The following RXFP1 variants were observed in gnomAD, a reference collection of about 807,000 sequenced individuals.
RXFP1 encodes the protein relaxin receptor 1.
RXFP1 carries 73 observed loss-of-function variants against 89.8 expected under a neutral mutation model. The observed-to-expected ratio is 0.81, with a 90% CI of 0.67 to 0.99. RXFP1 has a LOEUF of 0.99. Ranked by LOEUF, RXFP1 falls within the 50% of genes least tolerant of loss-of-function variation. RXFP1 has a pLI of 0.00. For synonymous variants in RXFP1, 277 were observed against 305.5 expected (o/e 0.91, Z 0.97); for missense variants, 793 against 895.5 (o/e 0.89, Z 1.46).
At chr4:158,540,710 A>G (rs1298335414) in intron 1 of RXFP1, among the ~76,000 whole-genome samples, 1 of 151,828 alleles carries the variant, frequency 6.6e-6, no homozygotes, top group East Asian at 1.9e-4. Flanking sequence ...AGAAAGCTGT[A>G]CAAAGCCCAC....
intron 14 of RXFP1, among the ~76,000 whole-genome samples, chr4:158,640,473 G>A (rs1770149662): frequency 1.3e-5 from 2 of 152,176 alleles, no homozygotes; most frequent in Non-Finnish European, 2.9e-5. Flanking sequence ...TCATGGCAGA[G>A]GACAAAGAGG....
chr4:158,569,984 A>G (rs1198811863), intron 1 of RXFP1, among the ~76,000 whole-genome samples: 1 of 152,246 alleles, frequency 6.6e-6, no homozygotes, highest in Non-Finnish European at 1.5e-5. Flanking sequence ...TCTTCATTCT[A>G]TTAAATGTTT....
intron 2 of RXFP1, among the ~76,000 whole-genome samples, chr4:158,579,553 C>A (rs186622669): frequency 6.6e-6 from 1 of 152,196 alleles, no homozygotes. Flanking sequence ...CGTGAGCCAC[C>A]GCAGCCTGCC....
intron 1 of RXFP1, among the ~76,000 whole-genome samples, chr4:158,531,776 A>G (rs943425175): frequency 2.6e-5 from 4 of 152,220 alleles, no homozygotes; most frequent in Non-Finnish European, 5.9e-5. Flanking sequence ...ATTATATTTT[A>G]TATTTCTATG....
At chr4:158,651,277 TA>T (rs1245018793) in intron 17 of RXFP1, among the ~76,000 whole-genome samples, 4 of 152,100 alleles carry the variant, frequency 2.6e-5, no homozygotes, top group Non-Finnish European at 5.9e-5. Flanking sequence ...GGTCAAAAGC[TA>T]AAAAAATGCA....
intron 14 of RXFP1, among the ~76,000 whole-genome samples, chr4:158,643,192 C>T (rs1395205825): frequency 1.3e-5 from 2 of 152,128 alleles, no homozygotes; most frequent in Non-Finnish European, 2.9e-5. Flanking sequence ...GGCACAGCTG[C>T]CAGCATTCAC....
At chr4:158,598,945 G>A (rs1369200980) in intron 3 of RXFP1, among the ~76,000 whole-genome samples, 6 of 151,512 alleles carry the variant, frequency 4.0e-5, no homozygotes, top group African/African-American at 1.5e-4. Context: ...TTAAGTGGCA[G>A]TTGTAGTATG....
In RXFP1 at chr4:158,652,019, G is replaced by T; in HGVS notation, c.2238G>T (p.Leu746=). 6.2e-7 allele frequency: 1 copy of T among 1,613,286 alleles called. No individual in the cohort carries two copies. The highest frequency in any genetic ancestry group is 8.5e-7 in the Non-Finnish European group (1 of 1,179,488). Residue 746 remains leucine, a synonymous_variant, in exon 18 of 18, where the codon CTG becomes CTT. Transcript: ENST00000307765. Reference sequence around the variant, plus strand: ...TCACATACCCCTGTGAAATGTCACTGATTTCTCAATCAACGAGACTCAATT... The same window carrying T: ...TCACATACCCCTGTGAAATGTCACTTATTTCTCAATCAACGAGACTCAATT... ...DLFTYPCEMS[L]ISQSTRLNSY...
At chr4:158,623,020 A>G (rs1765925275) in intron 9 of RXFP1, among the ~76,000 whole-genome samples, 1 of 152,184 alleles carries the variant, frequency 6.6e-6, no homozygotes, top group Non-Finnish European at 1.5e-5. Context: ...GAAAGCAGGC[A>G]TCATATATTT....
chr4:158,615,794 T>C (rs899379533), intron 8 of RXFP1, among the ~76,000 whole-genome samples: 1 of 151,380 alleles, frequency 6.6e-6, no homozygotes, highest in Non-Finnish European at 1.5e-5. Flanking sequence ...AAAAAAAAAT[T>C]GTTTTTAGTT....
chr4:158,648,782 A>T, intron 17 of RXFP1, 65 bp downstream of exon 17: 1 of 996,060 alleles, frequency 1.0e-6, no homozygotes, highest in Admixed American at 2.6e-5. Context: ...CTTTTAAGGA[A>T]AACAATTAAA....
intron 1 of RXFP1, among the ~76,000 whole-genome samples, chr4:158,545,253 A>T (rs1354904822): frequency 6.6e-6 from 1 of 152,000 alleles, no homozygotes; most frequent in Non-Finnish European, 1.5e-5. Flanking sequence ...TCTTCTTTTG[A>T]GAAGTGTCTG....
chr4:158,572,084 G>A (rs945772404), intron 1 of RXFP1, among the ~76,000 whole-genome samples: 4 of 152,118 alleles, frequency 2.6e-5, no homozygotes, highest in Non-Finnish European at 4.4e-5. Context: ...ATCAATCACC[G>A]CCTCCTCAAG....
At position 158,644,043 on chromosome 4, in the gene RXFP1, T is replaced by A. The variant is rs1770978712; in HGVS notation, c.1116-866T>A. Among the ~76,000 whole-genome samples, 3 of 4,702 alleles carry A rather than the reference T, an allele frequency of 6.4e-4. No homozygotes were observed. In the Non-Finnish European group the frequency reaches 0.21, roughly 336 times the overall value. 3.1% of individuals were successfully genotyped at this position (4,702 alleles called of 152,430 possible). ...TAGGTTGGCCATTTCTATGTCTTCT[T>A]TTTTTTTTTTTTTTTTTTGGAGACA... On this transcript the variant is annotated intron_variant, in intron 14 of 17. Transcript: ENST00000307765.
chr4:158,614,218 G>A (rs2150138333), intron 8 of RXFP1, among the ~76,000 whole-genome samples: 1 of 152,240 alleles, frequency 6.6e-6, no homozygotes, highest in African/African-American at 2.4e-5. Flanking sequence ...TAGGATTTTT[G>A]GAACAGTAAA....
At position 158,582,317 on chromosome 4, in the gene RXFP1, C is replaced by T. The variant is rs145138497; in HGVS notation, c.187+9482C>T. Among the ~76,000 whole-genome samples the T allele has an allele frequency of 4.5e-3, 682 of 152,178 alleles. 49 individuals are homozygous for T. The South Asian group carries it at 0.14, about 30-fold the overall frequency. On this transcript the variant is annotated intron_variant, in intron 2 of 17. Coordinates refer to ENST00000307765, the MANE Select transcript of RXFP1 (RefSeq NM_021634.4). Reference sequence around the variant, plus strand: ...CAAGTGGTAGAAGTCTAAACCAAGGCAGTTAAAGGTCTGATTCATTTCCCT... The same window carrying T: ...CAAGTGGTAGAAGTCTAAACCAAGGTAGTTAAAGGTCTGATTCATTTCCCT...
chr4:158,607,399 C>G (rs1332817489), intron 5 of RXFP1, among the ~76,000 whole-genome samples: 1 of 152,064 alleles, frequency 6.6e-6, no homozygotes, highest in Non-Finnish European at 1.5e-5. Flanking sequence ...GTTTGGATGT[C>G]AAATTAATGA....
At chr4:158,551,828 C>G (rs1361127001) in intron 1 of RXFP1, among the ~76,000 whole-genome samples, 1 of 152,050 alleles carries the variant, frequency 6.6e-6, no homozygotes, top group Non-Finnish European at 1.5e-5. Flanking sequence ...GTAGTCCCAG[C>G]TACTCAGGAG....
At chr4:158,585,621 G>A (rs756731703) in intron 2 of RXFP1, among the ~76,000 whole-genome samples, 8 of 152,056 alleles carry the variant, frequency 5.3e-5, no homozygotes, top group Non-Finnish European at 1.2e-4. Flanking sequence ...ACTAGTAAGA[G>A]CTAGATTTCA....
Sources: allele counts gnomAD v4.1 joint callset (sites outside exome capture counted in the v4.1 genomes callset), GRCh38; gene constraint gnomAD v4.1.1; transcripts MANE v1.5; gene names NCBI Gene and HGNC (gene_info 2026-07-23, HGNC 2026-07-21).